Variants in MITF observed in about 807,000 individuals in gnomAD.
MITF encodes the protein microphthalmia-associated transcription factor.
Under a neutral mutation model 60.5 loss-of-function variants are expected in MITF, and 17 were observed. That is an observed-to-expected ratio of 0.28 (90% CI 0.19 to 0.42). The LOEUF is 0.42. MITF is among the 10% of genes least tolerant of loss of function. The pLI, the probability that MITF is intolerant of heterozygous loss-of-function variation, is 1.00. For missense variants in MITF, 622 were observed against 683.5 expected (o/e 0.91, Z 1.00); for synonymous variants, 260 against 248.5 (o/e 1.05, Z -0.43).
At chr3:69,774,124 T>C (rs1246988246) in intron 1 of MITF, among the ~76,000 whole-genome samples, 1 of 152,210 alleles carries the variant, frequency 6.6e-6, no homozygotes, top group Non-Finnish European at 1.5e-5. Flanking sequence ...TATGTCTTCA[T>C]ACCAATATCC....
At chr3:69,912,692 A>G (rs928133583) in intron 2 of MITF, among the ~76,000 whole-genome samples, 2 of 152,226 alleles carry the variant, frequency 1.3e-5, no homozygotes, top group South Asian at 2.1e-4. Context: ...TGCTAGAGTC[A>G]GTGTTGGGGA....
At chr3:69,879,851 G>A (rs542418316) in intron 2 of MITF, among the ~76,000 whole-genome samples, 4 of 152,262 alleles carry the variant, frequency 2.6e-5, no homozygotes, top group South Asian at 4.2e-4. Flanking sequence ...AGCTTTCTGC[G>A]CTTTGATAAC....
chr3:69,807,250 T>A (rs1250355751), intron 1 of MITF, among the ~76,000 whole-genome samples: 3 of 152,226 alleles, frequency 2.0e-5, no homozygotes, highest in Middle Eastern at 3.2e-3. Context: ...AGGTTAAGAA[T>A]GAGATAGTCT....
chr3:69,878,850 A>G (rs1188326802), intron 1 of MITF, among the ~76,000 whole-genome samples: 2 of 151,952 alleles, frequency 1.3e-5, no homozygotes, highest in African/African-American at 4.8e-5. Context: ...TTTGGTGGTG[A>G]TGAGTAGTGT....
At chr3:69,836,505 A>G (rs940816879) in intron 1 of MITF, among the ~76,000 whole-genome samples, 3 of 152,212 alleles carry the variant, frequency 2.0e-5, no homozygotes, top group African/African-American at 7.2e-5. Flanking sequence ...TGTGTAGCAT[A>G]TTGTAGGAGC....
chr3:69,831,782 A>G (rs1387255332), intron 1 of MITF, among the ~76,000 whole-genome samples: 6 of 152,198 alleles, frequency 3.9e-5, no homozygotes, highest in African/African-American at 1.2e-4. Flanking sequence ...TGACACAGTG[A>G]AAGGTGAGCT....
At chr3:69,885,724 T>G (rs572590138) in intron 2 of MITF, among the ~76,000 whole-genome samples, 2 of 152,216 alleles carry the variant, frequency 1.3e-5, no homozygotes, top group Admixed American at 1.3e-4. Flanking sequence ...GGCTTTTTAT[T>G]GGGATACTAA....
chr3:69,839,349 T>G (rs1280130367), intron 1 of MITF, among the ~76,000 whole-genome samples: 1 of 151,982 alleles, frequency 6.6e-6, no homozygotes, highest in Non-Finnish European at 1.5e-5. Context: ...TTTCATTAAC[T>G]ATAGTATGAG....
chr3:69,951,733 G>C (rs949738385), intron 6 of MITF, 79 bp from the exon 7 acceptor site: 2 of 1,059,488 alleles, frequency 1.9e-6, no homozygotes, highest in Non-Finnish European at 1.5e-6. Context: ...GTATGTTTGG[G>C]AAATGAGATA....
intron 2 of MITF, among the ~76,000 whole-genome samples, chr3:69,902,990 A>T: frequency 6.6e-6 from 1 of 152,114 alleles, no homozygotes; most frequent in African/African-American, 2.4e-5. Flanking sequence ...ATCGTGTTTT[A>T]TTATTTCAAT....
intron 1 of MITF, among the ~76,000 whole-genome samples, chr3:69,774,996 C>T (rs925885914): frequency 2.6e-5 from 4 of 152,204 alleles, no homozygotes; most frequent in African/African-American, 9.7e-5. Flanking sequence ...ACACATTCTT[C>T]CTGCCATCTT....
intron 1 of MITF, among the ~76,000 whole-genome samples, chr3:69,861,731 C>G (rs2064020338): frequency 6.6e-6 from 1 of 152,152 alleles, no homozygotes; most frequent in Non-Finnish European, 1.5e-5. Flanking sequence ...GCCTCTCACA[C>G]ACATGCTGGG....
At chr3:69,892,281 G>GTTT (rs1389488267) in intron 2 of MITF, among the ~76,000 whole-genome samples, 1 of 151,974 alleles carries the variant, frequency 6.6e-6, no homozygotes, top group Non-Finnish European at 1.5e-5. Context: ...ATTATTTTTT[G>GTTT]TTTTTTAGAC....
chr3:69,923,722 A>T (rs946256728), intron 2 of MITF, among the ~76,000 whole-genome samples: 29 of 152,346 alleles, frequency 1.9e-4, no homozygotes, highest in Non-Finnish European at 1.0e-4. Context: ...CCAAAGAAGT[A>T]GTCTATCCTC....
rs970557348 is a variant in MITF, at chr3:69,817,025, A to G, written c.105-62109A>G. ...GAACAGTCACAGAAGTTACAGAAAA[A>G]TTCATTGATGACTTCTGGGTGTGGT... On this transcript the variant is annotated intron_variant, in intron 1 of 9. Coordinates refer to ENST00000352241, the MANE Select transcript of MITF (RefSeq NM_001354604.2). 5.3e-5 allele frequency among the ~76,000 whole-genome samples: 8 copies of G among 152,286 alleles called. No individual in the cohort carries two copies. The East Asian group carries it at 1.4e-3, about 26-fold the overall frequency.
intron 1 of MITF, among the ~76,000 whole-genome samples, chr3:69,875,866 G>C (rs1035766548): frequency 2.6e-5 from 4 of 152,212 alleles, no homozygotes; most frequent in Non-Finnish European, 4.4e-5. Flanking sequence ...CTTTCACAAT[G>C]TGGAAATATC....
intron 1 of MITF, among the ~76,000 whole-genome samples, chr3:69,857,345 A>T (rs2063935970): frequency 6.8e-6 from 1 of 148,132 alleles, no homozygotes; most frequent in South Asian, 2.2e-4. Flanking sequence ...CTCATATCTC[A>T]ATCCCTGCCC....
chr3:69,788,819 A>G (rs576492461), intron 1 of MITF, among the ~76,000 whole-genome samples: 2 of 152,342 alleles, frequency 1.3e-5, no homozygotes, highest in Admixed American at 6.5e-5. Context: ...ATGATCTTTG[A>G]CAAGGGTGCC....
At chr3:69,957,964 C>T (rs1295342445) in intron 8 of MITF, among the ~76,000 whole-genome samples, 2 of 152,182 alleles carry the variant, frequency 1.3e-5, no homozygotes, top group Non-Finnish European at 2.9e-5. Flanking sequence ...TACCTTTTCT[C>T]CCACCAGAGC....
Sources: gnomAD v4.1 joint callset for allele counts (sites outside exome capture counted in the v4.1 genomes callset) on GRCh38, gnomAD v4.1.1 for gene constraint, MANE v1.5 for transcripts, NCBI Gene and HGNC (gene_info 2026-07-23, HGNC 2026-07-21) for gene names.